The following SHC3 variants were observed in gnomAD, a reference collection of about 807,000 sequenced individuals.
SHC3 encodes the protein SHC-transforming protein 3.
A neutral mutation model predicts 60.4 loss-of-function variants in SHC3; 15 were observed. The ratio of observed to expected loss-of-function variants is 0.25; its 90% CI spans 0.17 to 0.38. SHC3 has a LOEUF of 0.38. Ranked by LOEUF, SHC3 falls within the 10% of genes least tolerant of loss-of-function variation. The probability of loss-of-function intolerance (pLI) is 1.00; values close to 1 mark genes in which losing one functional copy is unlikely to be tolerated. For synonymous variants in SHC3, 294 were observed against 325.9 expected, an observed-to-expected ratio of 0.90 and a Z score of 1.05; for missense variants, 677 against 786.1, an observed-to-expected ratio of 0.86 and a Z score of 1.66.
chr9:89,041,591 T>A (rs1253585640), intron 10 of SHC3, among the ~76,000 whole-genome samples: 1 of 152,210 alleles, frequency 6.6e-6, no homozygotes, highest in African/African-American at 2.4e-5. Flanking sequence ...GAGAGAGGTG[T>A]GTTGCAATTT....
intron 2 of SHC3, among the ~76,000 whole-genome samples, chr9:89,087,073 T>C (rs1825542433): frequency 6.6e-6 from 1 of 152,104 alleles, no homozygotes; most frequent in Non-Finnish European, 1.5e-5. Context: ...ACATGACACA[T>C]ATATGTGCAT....
At chr9:89,152,956 G>A (rs10867156) in intron 1 of SHC3, among the ~76,000 whole-genome samples, 10,962 of 152,224 alleles carry the variant, frequency 0.072, 523 homozygotes, top group Middle Eastern at 0.14. Flanking sequence ...GGTGACAGAA[G>A]TCAGAAGAGT....
intron 6 of SHC3, among the ~76,000 whole-genome samples, chr9:89,064,736 G>C: frequency 6.6e-6 from 1 of 152,142 alleles, no homozygotes; most frequent in Admixed American, 6.5e-5. Flanking sequence ...TATAGCATTG[G>C]AGGGTAAGGT....
At chr9:89,069,658 T>C (rs1825237859) in intron 5 of SHC3, among the ~76,000 whole-genome samples, 1 of 152,178 alleles carries the variant, frequency 6.6e-6, no homozygotes, top group South Asian at 2.1e-4. Context: ...GGGTCTGAGA[T>C]GGGGTCACTG....
chr9:89,157,624 AT>A (rs549435869), intron 1 of SHC3, among the ~76,000 whole-genome samples: 28 of 150,590 alleles, frequency 1.9e-4, no homozygotes, highest in Admixed American at 6.0e-4. Context: ...AAGTTTAACA[AT>A]TTTTTTTTTA....
intron 2 of SHC3, among the ~76,000 whole-genome samples, chr9:89,089,312 A>G (rs1401506393): frequency 1.3e-5 from 2 of 152,250 alleles, no homozygotes; most frequent in East Asian, 3.8e-4. Context: ...GACCTGAGTG[A>G]GACAGAATAA....
At chr9:89,046,758 G>A (rs1196998814) in intron 8 of SHC3, 86 bp downstream of exon 8, 1 of 1,351,482 alleles carries the variant, frequency 7.4e-7, no homozygotes, top group Non-Finnish European at 9.7e-7. Context: ...CAGAACATCA[G>A]CCTGAAATAA....
At chr9:89,132,598 T>C (rs1204548272) in intron 1 of SHC3, among the ~76,000 whole-genome samples, 2 of 151,966 alleles carry the variant, frequency 1.3e-5, no homozygotes, top group Non-Finnish European at 2.9e-5. Context: ...CTCTCAGAAA[T>C]AATACCACAC....
chr9:89,057,284 T>A (rs1313339226), intron 6 of SHC3, among the ~76,000 whole-genome samples: 1 of 151,480 alleles, frequency 6.6e-6, no homozygotes, highest in Non-Finnish European at 1.5e-5. Context: ...AATGTAGCCA[T>A]GCACTCTGAA....
intron 1 of SHC3, among the ~76,000 whole-genome samples, chr9:89,155,874 T>C (rs1826615742): frequency 6.6e-6 from 1 of 152,170 alleles, no homozygotes; most frequent in African/African-American, 2.4e-5. Context: ...CAGAAGAAAA[T>C]TGTCCCTATT....
intron 6 of SHC3, among the ~76,000 whole-genome samples, chr9:89,057,604 C>A (rs1824977516): frequency 6.6e-6 from 1 of 151,886 alleles, no homozygotes; most frequent in Non-Finnish European, 1.5e-5. Context: ...GGTACATAGC[C>A]TAGGGAAATT....
chr9:89,045,540 G>C (rs1184414968), intron 9 of SHC3, among the ~76,000 whole-genome samples: 1 of 152,154 alleles, frequency 6.6e-6, no homozygotes, highest in Non-Finnish European at 1.5e-5. Context: ...TTCCCAAAGT[G>C]CTGGGATTAC....
At chr9:89,146,035 T>C (rs538548950) in intron 1 of SHC3, among the ~76,000 whole-genome samples, 4 of 152,218 alleles carry the variant, frequency 2.6e-5, no homozygotes, top group African/African-American at 9.6e-5. Context: ...ATTTTGAACT[T>C]GGACTTCAGC....
chr9:89,089,594 C>T (rs1391779463), intron 2 of SHC3, among the ~76,000 whole-genome samples: 4 of 152,194 alleles, frequency 2.6e-5, no homozygotes, highest in Admixed American at 1.3e-4. Flanking sequence ...AGTGATCCTT[C>T]CCATTTGGGA....
rs1826985277 is a variant in SHC3 at position 89,178,639 on chromosome 9, C to G, written c.-179G>C. On this transcript the variant is annotated 5_prime_UTR_variant, in exon 1 of 12. Transcript: ENST00000375835. The surrounding 1 kb of genome is among the most constrained non-coding windows in gnomAD (Gnocchi z 6.9). The stretch of plus-strand genomic sequence containing the variant: ...GATGGTGCCCTCCCACCGTTAAAAG[C>G]CAGCACAGCGGCGGCCGCGCAGCCC... 1 of 497,986 alleles carries G rather than the reference C, an allele frequency of 2.0e-6. No homozygotes were observed. The highest frequency in any genetic ancestry group is 2.0e-5 in the African/African-American group (1 of 49,652). The allele number at this position is 497,986 out of a possible 1,614,324, so 30.8% of individuals were successfully genotyped here.
chr9:89,059,677 ATGG>A (rs1225774254), intron 6 of SHC3, among the ~76,000 whole-genome samples: 27 of 79,868 alleles, frequency 3.4e-4, no homozygotes, highest in African/African-American at 4.6e-4. Flanking sequence ...GTGGTGGAGG[ATGG>A]TGGTGGAGGA....
rs59069932 is a variant in SHC3, at chr9:89,103,295, T to C, written c.545+9261A>G. Reference sequence around the variant, plus strand: ...AGGGAGAATCAACAGGTATTCGTAATTGAACAGGGAGAAAGATGAGATGAA... The same window carrying C: ...AGGGAGAATCAACAGGTATTCGTAACTGAACAGGGAGAAAGATGAGATGAA... On this transcript the variant is annotated intron_variant, in intron 2 of 11. Coordinates refer to ENST00000375835, the MANE Select transcript of SHC3 (RefSeq NM_016848.6). 2.5e-3 allele frequency among the ~76,000 whole-genome samples: 388 copies of C among 152,172 alleles called. 2 individuals carry two copies. Among genetic ancestry groups the C allele is most frequent in the African/African-American group, 8.8e-3 (367 of 41,522 alleles).
At chr9:89,097,076 G>A (rs575498487) in intron 2 of SHC3, among the ~76,000 whole-genome samples, 2 of 135,140 alleles carry the variant, frequency 1.5e-5, no homozygotes, top group Admixed American at 8.1e-5. Flanking sequence ...GGACACCAGT[G>A]GGCAGCGCCC....
At chr9:89,097,186 A>G (rs1825717517) in intron 2 of SHC3, among the ~76,000 whole-genome samples, 1 of 152,156 alleles carries the variant, frequency 6.6e-6, no homozygotes, top group Admixed American at 6.5e-5. Flanking sequence ...CCAACATCCA[A>G]CAAAGTACAT....
Sources: gnomAD v4.1 joint callset for allele counts (sites outside exome capture counted in the v4.1 genomes callset) on GRCh38, gnomAD v4.1.1 for gene constraint, Gnocchi (gnomAD v3.1) non-coding constraint, MANE v1.5 for transcripts, NCBI Gene and HGNC (gene_info 2026-07-23, HGNC 2026-07-21) for gene names.